RPUSD3: variants seen among roughly 807,000 people sequenced by gnomAD.
The protein encoded by RPUSD3 is mitochondrial mRNA pseudouridine synthase RPUSD3.
A neutral mutation model predicts 35.1 loss-of-function variants in RPUSD3; 36 were observed. That is an observed-to-expected ratio of 1.02 (90% CI 0.79 to 1.35). The LOEUF (loss-of-function observed/expected upper bound fraction) is 1.35. RPUSD3 is among the 40% of genes most tolerant of loss of function. The pLI is 0.00. For synonymous variants in RPUSD3, 202 were observed against 187.8 expected, an observed-to-expected ratio of 1.08 and a Z score of -0.62; for missense variants, 486 against 441.9, an observed-to-expected ratio of 1.10 and a Z score of -0.89.
chr3:9,840,157 A>G, intron 7 of RPUSD3, 27 bp downstream of exon 7: 4 of 1,602,338 alleles, frequency 2.5e-6, no homozygotes, highest in Non-Finnish European at 3.4e-6. Context: ...GTGCAGTTTT[A>G]AAGGCTGGCT....
rs1472282184 is a variant in RPUSD3 at position 9,840,680 on chromosome 3, C to T, written c.515+18G>A. 6.8e-6 allele frequency: 11 copies of T among 1,613,246 alleles called. No homozygotes were observed. Among genetic ancestry groups the T allele is most frequent in the Admixed American group, 1.7e-5 (1 of 59,972 alleles). On this transcript the variant is annotated intron_variant, in intron 5 of 8. Coordinates refer to ENST00000383820, the Ensembl canonical transcript of RPUSD3. The stretch of plus-strand genomic sequence containing the variant: ...TGGGACCTCCCCACCACTCTAGGAA[C>T]CTCCCAGCACCTCTCACCAGTAGGT...
At chr3:9,842,112 G>A (rs2082113344) in intron 3 of RPUSD3, 30 bp from the exon 4 acceptor site, 3 of 1,608,840 alleles carry the variant, frequency 1.9e-6, no homozygotes, top group Non-Finnish European at 2.5e-6. Context: ...AATTACAAGA[G>A]GCCAAAGCTT....
At chr3:9,843,692 C>T (rs779573261) in intron 1 of RPUSD3, 91 bp from the exon 2 acceptor site, 1 of 1,558,524 alleles carries the variant, frequency 6.4e-7, no homozygotes, top group Non-Finnish European at 8.7e-7. Flanking sequence ...ATCCTGCGGC[C>T]TCTGACAAAT....
intron 7 of RPUSD3, 53 bp downstream of exon 7, chr3:9,840,131 C>T (rs774629610): frequency 6.3e-7 from 1 of 1,585,112 alleles, no homozygotes; most frequent in Non-Finnish European, 8.6e-7. Flanking sequence ...CCACCTGCCT[C>T]AGCCTCCCAA....
intron 2 of RPUSD3, 32 bp downstream of exon 2, chr3:9,843,433 G>T (rs768986489): frequency 1.2e-6 from 2 of 1,612,416 alleles, no homozygotes; most frequent in Non-Finnish European, 1.7e-6. Context: ...TCCCCTCCCG[G>T]TCCTTGTGCG....
exon 3 of RPUSD3, chr3:9,842,199 C>T (rs1055324333): frequency 1.2e-6 from 2 of 1,614,222 alleles, no homozygotes; most frequent in South Asian, 2.2e-5. Context: ...CGGCCCATAC[C>T]TGTCACTGGT....
intron 8 of RPUSD3, 59 bp from the exon 9 acceptor site, chr3:9,838,266 A>G (rs1349685185): frequency 1.3e-6 from 2 of 1,568,886 alleles, no homozygotes; most frequent in Non-Finnish European, 1.7e-6. Flanking sequence ...CTGAGTACCC[A>G]GCTCTAAGGG....
intron 7 of RPUSD3, chr3:9,839,429 C>G (rs1410160136): frequency 2.7e-6 from 1 of 370,946 alleles, no homozygotes; most frequent in African/African-American, 2.1e-5. Context: ...GCCACCGGGC[C>G]TAAGGACTGT....
intron 4 of RPUSD3, chr3:9,841,035 G>T (rs73116175): frequency 2.8e-6 from 1 of 358,554 alleles, no homozygotes; most frequent in South Asian, 4.3e-5. Flanking sequence ...GCCAAATGTC[G>T]TAACGATTGT....
At chr3:9,842,460 G>C in intron 2 of RPUSD3, 1 of 603,166 alleles carries the variant, frequency 1.7e-6, no homozygotes, top group Non-Finnish European at 3.0e-6. Context: ...AATTTCCCAG[G>C]TCTGGCTCCC....
exon 3 of RPUSD3, chr3:9,842,220 G>C (rs1457485304): frequency 6.2e-7 from 1 of 1,614,028 alleles, no homozygotes; most frequent in Non-Finnish European, 8.5e-7. Flanking sequence ...AGACCCTGTG[G>C]CTTGTTCAAC....
In RPUSD3 at chr3:9,842,035, G is replaced by A; in HGVS notation, c.355C>T (p.Gln119Ter). 9 of 1,613,380 alleles carry A rather than the reference G, an allele frequency of 5.6e-6. No individual in the cohort carries two copies. Among genetic ancestry groups the A allele is most frequent in the Non-Finnish European group, 7.6e-6 (9 of 1,179,668 alleles). The change falls in exon 4 of 9, where the codon CAG becomes TAG. Residue 119 changes from glutamine (Q) to a stop codon, truncating the protein, a stop_gained. Coordinates refer to ENST00000383820, the Ensembl canonical transcript of RPUSD3. LOFTEE classifies it high-confidence loss of function. ...TCCTGCTCCCTGAGCCCTAGGGACT[G>A]GCTCAGCTCTGGCAGCACTGAGAAC...
At chr3:9,838,497 A>C (rs560188340) in intron 8 of RPUSD3, among the ~76,000 whole-genome samples, 1 of 152,280 alleles carries the variant, frequency 6.6e-6, no homozygotes, top group East Asian at 1.9e-4. Context: ...AGCTGAGTGA[A>C]TGTGGGTGGC....
intron 8 of RPUSD3, 40 bp from the exon 9 acceptor site, chr3:9,838,247 T>C: frequency 6.2e-7 from 1 of 1,603,202 alleles, no homozygotes; most frequent in Non-Finnish European, 8.5e-7. Flanking sequence ...CCCCACATTT[T>C]CCAAGCAGCT....
chr3:9,838,883 C>T (rs2082061854), intron 8 of RPUSD3, 149 bp downstream of exon 8: 5 of 993,496 alleles, frequency 5.0e-6, no homozygotes, highest in African/African-American at 4.8e-5. Flanking sequence ...CAAGGCCACA[C>T]ACCAAGATGT....
chr3:9,840,264 C>T, exon 7 of RPUSD3: 2 of 1,614,194 alleles, frequency 1.2e-6, no homozygotes, highest in Non-Finnish European at 1.7e-6. Flanking sequence ...CTTCTTGACA[C>T]CTTCCAGGAT....
intron 2 of RPUSD3, 37 bp from the exon 3 acceptor site, chr3:9,842,280 C>T (rs997991082): frequency 6.2e-6 from 10 of 1,609,538 alleles, no homozygotes; most frequent in Non-Finnish European, 7.7e-6. Context: ...GCAAAAGCAA[C>T]GGTAACCCTT....
chr3:9,839,007 G>T, intron 8 of RPUSD3, 25 bp downstream of exon 8: 1 of 1,613,932 alleles, frequency 6.2e-7, no homozygotes, highest in Non-Finnish European at 8.5e-7. Flanking sequence ...CCCTCAGAAA[G>T]CAGCAGGCAG....
chr3:9,843,745 CG>C (rs2082138633), intron 1 of RPUSD3, 144 bp from the exon 2 acceptor site: 1 of 1,539,646 alleles, frequency 6.5e-7, no homozygotes, highest in Non-Finnish European at 8.8e-7. Flanking sequence ...CAGGTACGAC[CG>C]GTCCCATTCT....
Sources: allele counts gnomAD v4.1 joint callset (sites outside exome capture counted in the v4.1 genomes callset), GRCh38; gene constraint gnomAD v4.1.1; transcripts MANE v1.5; gene names NCBI Gene and HGNC (gene_info 2026-07-23, HGNC 2026-07-21).